Variants in ZFYVE16 observed in about 807,000 individuals in gnomAD.
ZFYVE16 encodes the protein zinc finger FYVE-type containing 16.
In ZFYVE16, 89 loss-of-function variants were observed where a neutral mutation model predicts 138.1. That is an observed-to-expected ratio of 0.64 (90% CI 0.54 to 0.77). ZFYVE16 has a LOEUF of 0.77. Among genes scored for constraint, ZFYVE16 ranks in the 30% least tolerant of loss-of-function variants. ZFYVE16 has a pLI of 0.00. For synonymous variants in ZFYVE16, 596 were observed against 618.3 expected, an observed-to-expected ratio of 0.96 and a Z score of 0.53; for missense variants, 1,793 against 1,786.7, an observed-to-expected ratio of 1.00 and a Z score of -0.06.
At position 80,437,524 on chromosome 5, in the gene ZFYVE16, A is replaced by G. The variant is rs778731572; in HGVS notation, c.839A>G (p.Glu280Gly). The G allele has an allele frequency of 6.2e-6, 10 of 1,613,826 alleles. No homozygotes were observed. In the African/African-American group the frequency reaches 1.2e-4, roughly 19 times the overall value. The change falls in exon 4 of 19, where the codon GAG (glutamate) becomes GGG (glycine). Residue 280 changes from glutamate to glycine, a missense_variant. This residue lies in a region of ZFYVE16 where 1,295 missense variants were observed against 1,204.3 expected (regional missense o/e 1.08). Coordinates refer to ENST00000505560, the MANE Select transcript of ZFYVE16 (RefSeq NM_001284236.3). ...GLLKDVGLVKEEVDVAVITAA... is the reference protein window; with the variant it reads ...GLLKDVGLVKGEVDVAVITAA... ...CTAAAAGATGTTGGCTTAGTAAAAG[A>G]GGAAGTAGATGTGGCAGTCATAACT... is the stretch of plus-strand genomic sequence containing the variant.
chr5:80,461,955 G>A (rs1429441966), intron 15 of ZFYVE16, among the ~76,000 whole-genome samples: 8 of 151,790 alleles, frequency 5.3e-5, no homozygotes, highest in Non-Finnish European at 5.9e-5. Flanking sequence ...CTGGGTGAGA[G>A]AGACTGTCTC....
At chr5:80,446,186 C>G (rs186031992) in intron 7 of ZFYVE16, among the ~76,000 whole-genome samples, 2 of 152,088 alleles carry the variant, frequency 1.3e-5, no homozygotes, top group African/African-American at 4.8e-5. Flanking sequence ...AGTGAGCCAC[C>G]GTGCCTGGCC....
chr5:80,422,964 G>A (rs558202692), intron 1 of ZFYVE16, among the ~76,000 whole-genome samples: 7 of 152,190 alleles, frequency 4.6e-5, no homozygotes, highest in African/African-American at 1.4e-4. Context: ...ATGTTCATGG[G>A]CAATATTGGT....
intron 4 of ZFYVE16, among the ~76,000 whole-genome samples, chr5:80,439,689 C>T (rs1205215817): frequency 6.6e-6 from 1 of 151,878 alleles, no homozygotes; most frequent in Admixed American, 6.6e-5. Context: ...TGTTCCCTTT[C>T]CAATGAACAG....
chr5:80,480,915 GAA>G lies in ZFYVE16; in HGVS notation c.*3543_*3544del, dbSNP rs749417946. 2.0e-5 allele frequency among the ~76,000 whole-genome samples: 3 copies of G among 152,060 alleles called. No individual in the cohort carries two copies. The highest frequency in any genetic ancestry group is 3.9e-4 in the East Asian group (2 of 5,178). On this transcript the variant is annotated 3_prime_UTR_variant, in exon 19 of 19. Coordinates refer to ENST00000505560, the MANE Select transcript of ZFYVE16 (RefSeq NM_001284236.3). The stretch of plus-strand genomic sequence containing the variant: ...ACCTTGTCTCAAAAAAAAGGAAAAA[GAA>G]AAAAGACATTTAACAGGAAAACTGG...
chr5:80,439,950 CTG>C lies in ZFYVE16; in HGVS notation c.2339_2340del (p.Cys780LeufsTer2). On this transcript the variant is annotated frameshift_variant, in exon 5 of 19. Transcript: ENST00000505560. LOFTEE classifies it high-confidence loss of function. ...ATTCTTTATAGGTATTTTGTGGTGT[CTG>C]TTGTAATAGGAAGTGTAAACTGCAA... Reference protein sequence around the residue: ...RACGKVFCGVCCNRKCKLQYL... With the variant: ...RACGKVFCGVXCNRKCKLQYL... 6.2e-7 allele frequency: 1 copy of C among 1,607,826 alleles called. No individual in the cohort carries two copies. Among genetic ancestry groups the C allele is most frequent in the East Asian group, 2.2e-5 (1 of 44,586 alleles).
At chr5:80,417,890 C>T (rs1434754642) in intron 1 of ZFYVE16, among the ~76,000 whole-genome samples, 3 of 152,178 alleles carry the variant, frequency 2.0e-5, no homozygotes, top group Admixed American at 6.5e-5. Context: ...TGTAAGAGAC[C>T]GCCAAATAGT....
chr5:80,455,569 A>C (rs1187576776), intron 11 of ZFYVE16, 123 bp from the exon 12 acceptor site: 4 of 810,118 alleles, frequency 4.9e-6, no homozygotes, highest in Non-Finnish European at 5.9e-6. Flanking sequence ...ACTTTCCCCT[A>C]AGAACTGATT....
At chr5:80,446,559 T>A (rs1046247466) in intron 7 of ZFYVE16, among the ~76,000 whole-genome samples, 4 of 152,144 alleles carry the variant, frequency 2.6e-5, no homozygotes, top group Non-Finnish European at 5.9e-5. Context: ...GATATGTTAT[T>A]TTTTTTGTTA....
At chr5:80,448,677 T>C (rs1360021094) in intron 8 of ZFYVE16, among the ~76,000 whole-genome samples, 4 of 152,138 alleles carry the variant, frequency 2.6e-5, no homozygotes, top group African/African-American at 9.7e-5. Flanking sequence ...AATATTTCCA[T>C]TGTATTAGAA....
chr5:80,410,603 G>A (rs963321745), intron 1 of ZFYVE16, among the ~76,000 whole-genome samples: 2 of 151,242 alleles, frequency 1.3e-5, no homozygotes, highest in Non-Finnish European at 2.9e-5. Context: ...ACAGAGTCTC[G>A]CTCTTTCGCC....
At chr5:80,463,768 C>T (rs1580335236) in intron 15 of ZFYVE16, among the ~76,000 whole-genome samples, 1 of 152,142 alleles carries the variant, frequency 6.6e-6, no homozygotes, top group African/African-American at 2.4e-5. Context: ...CTTTTTAGAG[C>T]CCCCAAATCA....
chr5:80,437,507 T>A lies in ZFYVE16; in HGVS notation c.822T>A (p.Asp274Glu), dbSNP rs1750101577. 2 of 1,613,046 alleles carry A rather than the reference T, an allele frequency of 1.2e-6. No individual in the cohort carries two copies. Among genetic ancestry groups the A allele is most frequent in the Non-Finnish European group, 1.7e-6 (2 of 1,179,758 alleles). The stretch of plus-strand genomic sequence containing the variant: ...GCCAGCCATGTGGATTACTAAAAGA[T>A]GTTGGCTTAGTAAAAGAGGAAGTAG... ...HKSQPCGLLK[D>E]VGLVKEEVDV... is the part of the protein sequence containing the mutation. Residue 274 changes from aspartate (D) to glutamate (E), a missense_variant, in exon 4 of 19, where the codon GAT (aspartate) becomes GAA (glutamate). Transcript: ENST00000505560.
At chr5:80,428,972 A>T (rs890321988) in intron 2 of ZFYVE16, among the ~76,000 whole-genome samples, 1 of 152,210 alleles carries the variant, frequency 6.6e-6, no homozygotes, top group Non-Finnish European at 1.5e-5. Flanking sequence ...GACCAAATCT[A>T]CGTCTAATTG....
chr5:80,443,275 G>T lies in ZFYVE16; in HGVS notation c.2572G>T (p.Gly858Cys). 1 of 1,604,032 alleles carries T rather than the reference G, an allele frequency of 6.2e-7. No individual in the cohort carries two copies. The highest frequency in any genetic ancestry group is 8.5e-7 in the Non-Finnish European group (1 of 1,177,758). ...TLPVSALKQPGVEGLCSKEQK... is the reference protein window; with the variant it reads ...TLPVSALKQPCVEGLCSKEQK... ...GCCAGTCTCAGCACTTAAACAACCA[G>T]GTGTTGAAGGTAATAGAAGAAAACT... Residue 858 changes from glycine to cysteine, a missense_variant, in exon 6 of 19, where the codon GGT (glycine) becomes TGT (cysteine). By Grantham distance (159) the Gly-to-Cys change is radical (BLOSUM62 -3). Coordinates refer to ENST00000505560, the MANE Select transcript of ZFYVE16 (RefSeq NM_001284236.3).
chr5:80,464,996 CA>C (rs1441838735), intron 15 of ZFYVE16, among the ~76,000 whole-genome samples: 3 of 53,064 alleles, frequency 5.7e-5, no homozygotes, highest in Non-Finnish European at 1.7e-4. Context: ...CATGTTTATA[CA>C]TTATGTGCCC....
chr5:80,474,840 G>A lies in ZFYVE16; in HGVS notation c.4461+10G>A. 1 of 1,583,784 alleles carries A rather than the reference G, an allele frequency of 6.3e-7. No individual in the cohort carries two copies. On this transcript the variant is annotated intron_variant, in intron 18 of 18. Coordinates refer to ENST00000505560, the MANE Select transcript of ZFYVE16 (RefSeq NM_001284236.3). ...CATTGACACTGATATGGTGAGGCAT[G>A]TTTTTGTGATGTATTTTTGAAATGA...
At chr5:80,411,349 T>G (rs1274320051) in intron 1 of ZFYVE16, among the ~76,000 whole-genome samples, 3 of 152,130 alleles carry the variant, frequency 2.0e-5, no homozygotes, top group Non-Finnish European at 4.4e-5. Context: ...AAGGCTTACA[T>G]AATCCCATTC....
rs758096969 is a variant in ZFYVE16, at chr5:80,438,693, G to A, written c.2008G>A (p.Val670Ile). ...TTCAAAGGACCTGAATAAGCCAGAT[G>A]TTCCAGATACAATAGAAAGTGAACC... ...RSSKDLNKPDVPDTIESEPST... is the reference protein window; with the variant it reads ...RSSKDLNKPDIPDTIESEPST... The change falls in exon 4 of 19, where the codon GTT becomes ATT. Residue 670 changes from valine to isoleucine, a missense_variant. By Grantham distance (29) the Val-to-Ile change is conservative. Around this residue, in one of 2 missense-constraint regions of ZFYVE16, gnomAD observed 1,295 missense variants for 1,204.3 expected, o/e 1.08. Coordinates refer to ENST00000505560, the MANE Select transcript of ZFYVE16 (RefSeq NM_001284236.3). The A allele has an allele frequency of 6.2e-7, 1 of 1,614,086 alleles. No homozygotes were observed. The highest frequency in any genetic ancestry group is 1.3e-5 in the African/African-American group (1 of 75,036).
Sources: allele counts gnomAD v4.1 joint callset (sites outside exome capture counted in the v4.1 genomes callset), GRCh38; gene constraint gnomAD v4.1.1; regional missense constraint gnomAD v4.1.1; transcripts MANE v1.5; gene names NCBI Gene and HGNC (gene_info 2026-07-23, HGNC 2026-07-21).